The following GSN variants were observed in gnomAD, a reference collection of about 807,000 sequenced individuals.
GSN encodes actin-depolymerizing factor.
In GSN, 56 loss-of-function variants were observed where a neutral mutation model predicts 85.7. The ratio of observed to expected loss-of-function variants is 0.65; its 90% CI spans 0.53 to 0.82. The LOEUF is 0.82. Ranked by LOEUF, GSN falls within the 40% of genes least tolerant of loss-of-function variation. The probability of loss-of-function intolerance (pLI) is 0.00; values close to 1 mark genes in which losing one functional copy is unlikely to be tolerated. For missense variants in GSN, 857 were observed against 979.8 expected, an observed-to-expected ratio of 0.87 and a Z score of 1.67; for synonymous variants, 373 against 399.1, an observed-to-expected ratio of 0.93 and a Z score of 0.78.
At chr9:121,324,082 A>G (rs1041475266) in intron 11 of GSN, among the ~76,000 whole-genome samples, 1 of 152,194 alleles carries the variant, frequency 6.6e-6, no homozygotes, top group African/African-American at 2.4e-5. Context: ...AGCAATCACC[A>G]TGGACCTTTT....
intron 2 of GSN, among the ~76,000 whole-genome samples, chr9:121,297,358 A>G (rs1347432403): frequency 6.6e-6 from 1 of 152,222 alleles, no homozygotes; most frequent in Non-Finnish European, 1.5e-5. Flanking sequence ...AGTAGATTTA[A>G]TTGGTTATAT....
intron 10 of GSN, among the ~76,000 whole-genome samples, chr9:121,320,664 AAAG>A (rs2062314831): frequency 6.6e-6 from 1 of 151,990 alleles, no homozygotes; most frequent in East Asian, 1.9e-4. Flanking sequence ...AAAAAAAAAA[AAAG>A]AAAAAAAGAA....
intron 1 of GSN, chr9:121,280,035 G>T (rs1221147280): frequency 1.3e-5 from 2 of 152,232 alleles, no homozygotes; most frequent in Non-Finnish European, 2.9e-5. Flanking sequence ...AAGTCATCAG[G>T]ACTGTCTGAA....
chr9:121,310,326 G>A, intron 4 of GSN: 1 of 338,578 alleles, frequency 3.0e-6, no homozygotes, highest in South Asian at 2.5e-5. Flanking sequence ...CGCCGGTTTT[G>A]AGGAAGGAAT....
At chr9:121,248,182 CT>C (rs914109195) in intron 5 of GSN, 4 of 142,272 alleles carry the variant, frequency 2.8e-5, no homozygotes, top group African/African-American at 5.6e-5. Flanking sequence ...GCCCTTGACT[CT>C]TTTTTTTTAG....
chr9:121,313,938 T>C lies in GSN; in HGVS notation c.668T>C (p.Leu223Pro). ...GTEPEAMLQV[L>P]GPKPALPAGT... The stretch of plus-strand genomic sequence containing the variant: ...CCATCTCTCTATCTCCTACAGGTGC[T>C]GGGCCCCAAGCCGGCTCTGCCTGCA... The change falls in exon 7 of 18, where the codon CTG (leucine) becomes CCG (proline). Residue 223 changes from leucine to proline, a missense_variant. Transcript: ENST00000432226. 1 of 1,613,588 alleles carries C rather than the reference T, an allele frequency of 6.2e-7. No individual in the cohort carries two copies. The highest frequency in any genetic ancestry group is 8.5e-7 in the Non-Finnish European group (1 of 1,179,474).
intron 2 of GSN, among the ~76,000 whole-genome samples, chr9:121,296,083 T>C (rs2059191415): frequency 6.6e-6 from 1 of 152,180 alleles, no homozygotes; most frequent in Non-Finnish European, 1.5e-5. Context: ...GGAAGTGTCG[T>C]GGGGACAGCT....
Position 121,321,405 on chromosome 9 carries a change from A to T in GSN, c.1325+4A>T. 6.2e-7 allele frequency: 1 copy of T among 1,613,766 alleles called. No individual in the cohort carries two copies. The highest frequency in any genetic ancestry group is 8.5e-7 in the Non-Finnish European group (1 of 1,179,754). ...AGGGGCAGATAATCTATAACTGGTG[A>T]GGTTCTGGGGCCATTGGTGTGTGTC... On this transcript the variant is annotated splice_donor_region_variant and intron_variant, in intron 11 of 17. Coordinates refer to ENST00000432226, the MANE Select transcript of GSN (RefSeq NM_198252.3).
At chr9:121,300,676 T>C (rs1212869639) in intron 2 of GSN, among the ~76,000 whole-genome samples, 1 of 152,096 alleles carries the variant, frequency 6.6e-6, no homozygotes, top group Non-Finnish European at 1.5e-5. Flanking sequence ...GCATGTGTAA[T>C]AGCCTCCCCA....
chr9:121,269,809 A>C (rs577387977), intron 1 of GSN, among the ~76,000 whole-genome samples: 189 of 152,286 alleles, frequency 1.2e-3, no homozygotes, highest in African/African-American at 4.3e-3. Flanking sequence ...ATGAGCCTGG[A>C]AACAGGCTGC....
At chr9:121,286,188 G>A (rs2058049980) in intron 2 of GSN, 1 of 1,522,834 alleles carries the variant, frequency 6.6e-7, no homozygotes, top group South Asian at 1.2e-5. Context: ...ACCCATGGGT[G>A]AGTAGCACGG....
chr9:121,331,466 TGGGGGCG>T lies in GSN; in HGVS notation c.2026+24_2026+30del. On this transcript the variant is annotated intron_variant, in intron 17 of 17. Coordinates refer to ENST00000432226, the MANE Select transcript of GSN (RefSeq NM_198252.3). ...GACTTCTGGTGAGGACCCGAGTGCC[TGGGGGCG>T]GGGGGAGGGGTCCGTTGCTTGTGGG... The T allele has an allele frequency of 2.3e-6, 2 of 887,812 alleles. No individual in the cohort carries two copies. Among genetic ancestry groups the T allele is most frequent in the Non-Finnish European group, 3.3e-6 (2 of 599,130 alleles). 55.0% of individuals were successfully genotyped at this position (887,812 alleles called of 1,614,324 possible). A position where few individuals can be genotyped will look rare whatever the true frequency, so the allele number is the denominator to read the frequency against.
rs2058065809 is a variant in GSN at position 121,286,294 on chromosome 9, GC to G, written c.-10+4737del. The G allele has an allele frequency of 1.6e-5, 11 of 697,110 alleles. No individual in the cohort carries two copies. The South Asian group carries it at 2.0e-4, about 13-fold the overall frequency. The allele number at this position is 697,110 out of a possible 1,614,324, so 43.2% of individuals were successfully genotyped here. A position where few individuals can be genotyped will look rare whatever the true frequency, so the allele number is the denominator to read the frequency against. On this transcript the variant is annotated intron_variant, in intron 2 of 17. Coordinates refer to ENST00000432226, the MANE Select transcript of GSN (RefSeq NM_198252.3). ...TGACTCCTAGTTCAACACCAGCCAG[GC>G]CCCCTGCAGAGATGAAACCAGTTCC...
At position 121,229,511 on chromosome 9, in the gene GSN, G is replaced by A. The variant is rs549418989; in HGVS notation, c.-527-1654G>A. Among the ~76,000 whole-genome samples, 80 of 152,298 alleles carry A rather than the reference G, an allele frequency of 5.3e-4. No homozygotes were observed. The South Asian group carries it at 8.5e-3, about 16-fold the overall frequency. The stretch of plus-strand genomic sequence containing the variant: ...CTGGGATTACAGACTGAGCCACCAC[G>A]CCCGGCCTCATAATGAAATTTTGAG... On this transcript the variant is annotated intron_variant, in intron 4 of 24. Coordinates refer to the GSN transcript ENST00000373823.
In GSN at chr9:121,313,774, G is replaced by A. The variant is rs1253164389; in HGVS notation, c.664-160G>A. ...GAAGGGACCTCTGATGGACAGATCT[G>A]GACATGTGAGCAGATGCAGGATGTG... On this transcript the variant is annotated intron_variant, in intron 6 of 17. Coordinates refer to ENST00000432226, the MANE Select transcript of GSN (RefSeq NM_198252.3). 3.4e-5 allele frequency: 23 copies of A among 681,588 alleles called. No individual in the cohort carries two copies. The East Asian group carries it at 5.7e-4, about 17-fold the overall frequency. The allele number at this position is 681,588 out of a possible 1,614,324, so 42.2% of individuals were successfully genotyped here. A position where few individuals can be genotyped will look rare whatever the true frequency, so the allele number is the denominator to read the frequency against.
chr9:121,312,230 T>G (rs2061230804), intron 5 of GSN, 109 bp from the exon 6 acceptor site: 1 of 1,189,742 alleles, frequency 8.4e-7, no homozygotes, highest in Non-Finnish European at 1.3e-6. Context: ...CCTGGGCAAG[T>G]GCAGAACAGG....
At chr9:121,216,539 G>A (rs1588411235) in intron 4 of GSN, among the ~76,000 whole-genome samples, 2 of 152,136 alleles carry the variant, frequency 1.3e-5, no homozygotes, top group Admixed American at 6.5e-5. Flanking sequence ...CTACCTGCCT[G>A]CTTTTCTCTG....
At chr9:121,216,157 A>C (rs2054060285) in intron 4 of GSN, among the ~76,000 whole-genome samples, 2 of 152,292 alleles carry the variant, frequency 1.3e-5, no homozygotes, top group Admixed American at 1.3e-4. Context: ...CATGTTGGCC[A>C]GACTGGTCTC....
intron 1 of GSN, among the ~76,000 whole-genome samples, chr9:121,279,038 C>A (rs933200590): frequency 2.6e-5 from 4 of 152,108 alleles, no homozygotes; most frequent in African/African-American, 9.7e-5. Context: ...CAGCCCTAGG[C>A]CAGGCTCTGG....
Sources: allele counts gnomAD v4.1 joint callset (sites outside exome capture counted in the v4.1 genomes callset), GRCh38; gene constraint gnomAD v4.1.1; transcripts MANE v1.5; gene names NCBI Gene and HGNC (gene_info 2026-07-23, HGNC 2026-07-21).